TBC1D5: variants seen among roughly 807,000 people sequenced by gnomAD.
The protein encoded by TBC1D5 is TBC1 domain family, member 5.
TBC1D5 carries 75 observed loss-of-function variants against 100.3 expected under a neutral mutation model. That is an observed-to-expected ratio of 0.75 (90% CI 0.62 to 0.91). The LOEUF is 0.91. Among genes scored for constraint, TBC1D5 ranks in the 40% least tolerant of loss-of-function variants. TBC1D5 has a pLI of 0.00. For synonymous variants in TBC1D5, 323 were observed against 325.6 expected (o/e 0.99, Z 0.09); for missense variants, 910 against 942.4 (o/e 0.97, Z 0.45).
chr3:17,459,641 C>T (rs1392353397), intron 3 of TBC1D5, among the ~76,000 whole-genome samples: 1 of 151,998 alleles, frequency 6.6e-6, no homozygotes, highest in Non-Finnish European at 1.5e-5. Flanking sequence ...CGCTCACTTC[C>T]AGTCCCAGCT....
At chr3:17,205,792 A>T (rs1190905299) in intron 18 of TBC1D5, among the ~76,000 whole-genome samples, 3 of 152,138 alleles carry the variant, frequency 2.0e-5, no homozygotes, top group Non-Finnish European at 4.4e-5. Flanking sequence ...GTGTGATATA[A>T]TTGGCTGTGT....
chr3:17,640,063 G>C (rs1419355043), intron 1 of TBC1D5, among the ~76,000 whole-genome samples: 2 of 152,120 alleles, frequency 1.3e-5, no homozygotes, highest in African/African-American at 4.8e-5. Flanking sequence ...ACAGAGAAAA[G>C]ACAAAGGTGA....
At chr3:17,388,118 C>A (rs561716303) in intron 8 of TBC1D5, among the ~76,000 whole-genome samples, 2 of 152,096 alleles carry the variant, frequency 1.3e-5, no homozygotes, top group Admixed American at 1.3e-4. Context: ...AGTCTTAAAT[C>A]CTTACTTTAG....
intron 1 of TBC1D5, among the ~76,000 whole-genome samples, chr3:17,696,139 A>G (rs545167003): frequency 6.6e-6 from 1 of 152,368 alleles, no homozygotes; most frequent in East Asian, 1.9e-4. Flanking sequence ...TGCCCACAGA[A>G]GAAAGCAAGA....
At chr3:17,420,083 C>A (rs2094172226) in intron 4 of TBC1D5, among the ~76,000 whole-genome samples, 1 of 152,002 alleles carries the variant, frequency 6.6e-6, no homozygotes, top group South Asian at 2.1e-4. Context: ...ATCATGAGTG[C>A]CCCAAGGGCA....
At chr3:17,380,377 T>G (rs894430807) in intron 9 of TBC1D5, among the ~76,000 whole-genome samples, 50 of 152,164 alleles carry the variant, frequency 3.3e-4, no homozygotes, top group African/African-American at 1.2e-3. Context: ...TTTTGAGATT[T>G]TTGGTTTTGC....
intron 15 of TBC1D5, among the ~76,000 whole-genome samples, chr3:17,259,052 T>C (rs1575002967): frequency 6.6e-6 from 1 of 152,188 alleles, no homozygotes; most frequent in Admixed American, 6.5e-5. Context: ...TGAGACTTTC[T>C]TGTTCCAAAA....
exon 22 of TBC1D5, chr3:17,160,293 A>C (rs747473248): frequency 1.3e-5 from 2 of 152,194 alleles, no homozygotes; most frequent in African/African-American, 4.8e-5. Flanking sequence ...ATCTAACACT[A>C]TATCACACCT....
chr3:17,653,268 T>C (rs1250093152), intron 1 of TBC1D5, among the ~76,000 whole-genome samples: 1 of 152,082 alleles, frequency 6.6e-6, no homozygotes. Context: ...AACACTTGAT[T>C]TTATGTTATA....
intron 1 of TBC1D5, among the ~76,000 whole-genome samples, chr3:17,667,596 C>T (rs2067413654): frequency 6.6e-6 from 1 of 151,860 alleles, no homozygotes; most frequent in Non-Finnish European, 1.5e-5. Flanking sequence ...GGACTACAAG[C>T]ATGCACCACC....
chr3:17,453,904 G>A (rs1018279594), intron 3 of TBC1D5, among the ~76,000 whole-genome samples: 16 of 152,018 alleles, frequency 1.1e-4, no homozygotes, highest in Non-Finnish European at 2.1e-4. Flanking sequence ...ACATTAAAAA[G>A]GTCATTCATC....
At chr3:17,201,030 T>C (rs2071399877) in intron 18 of TBC1D5, among the ~76,000 whole-genome samples, 1 of 152,206 alleles carries the variant, frequency 6.6e-6, no homozygotes, top group South Asian at 2.1e-4. Context: ...TTTGTTTTTT[T>C]CTCTTCTTAT....
intron 14 of TBC1D5, among the ~76,000 whole-genome samples, chr3:17,300,034 A>G (rs2082673573): frequency 6.6e-6 from 1 of 152,158 alleles, no homozygotes; most frequent in Non-Finnish European, 1.5e-5. Context: ...TTTTTAAAAA[A>G]GGAAACATTA....
At chr3:17,254,760 C>CGGGGGGG (rs1349069413) in intron 16 of TBC1D5, among the ~76,000 whole-genome samples, 1 of 28,796 alleles carries the variant, frequency 3.5e-5, no homozygotes, top group Non-Finnish European at 6.1e-5. Context: ...TTTACCGTGG[C>CGGGGGGG]GGGGGTGGGG....
intron 2 of TBC1D5, among the ~76,000 whole-genome samples, chr3:17,564,784 A>G (rs1375672443): frequency 1.3e-5 from 2 of 152,166 alleles, no homozygotes; most frequent in African/African-American, 4.8e-5. Context: ...ATCAGCATCC[A>G]GACATCAAAT....
intron 3 of TBC1D5, among the ~76,000 whole-genome samples, chr3:17,465,896 T>G (rs1478916135): frequency 6.6e-6 from 1 of 152,238 alleles, no homozygotes; most frequent in Non-Finnish European, 1.5e-5. Context: ...CAAAGTCAGT[T>G]CAGCAGGGCA....
intron 2 of TBC1D5, among the ~76,000 whole-genome samples, chr3:17,611,668 T>G (rs1157206272): frequency 1.3e-5 from 2 of 152,168 alleles, no homozygotes; most frequent in Non-Finnish European, 2.9e-5. Flanking sequence ...TTTGGACAAC[T>G]GAGAAACCAG....
chr3:17,563,541 A>C (rs2096572983), intron 2 of TBC1D5, among the ~76,000 whole-genome samples: 1 of 152,250 alleles, frequency 6.6e-6, no homozygotes. Flanking sequence ...TGTCACCTGG[A>C]ATTATCAAAG....
intron 1 of TBC1D5, among the ~76,000 whole-genome samples, chr3:17,662,326 C>T (rs2066742915): frequency 6.6e-6 from 1 of 152,186 alleles, no homozygotes; most frequent in South Asian, 2.1e-4. Context: ...GCCATTTTAT[C>T]TCCTAATTTT....
Sources: allele counts gnomAD v4.1 joint callset (sites outside exome capture counted in the v4.1 genomes callset), GRCh38; gene constraint gnomAD v4.1.1; transcripts MANE v1.5; gene names NCBI Gene and HGNC (gene_info 2026-07-23, HGNC 2026-07-21).